The following RNF214 variants were observed in gnomAD, a reference collection of about 807,000 sequenced individuals.
RNF214 encodes ring finger protein 214.
Under a neutral mutation model 75.9 loss-of-function variants are expected in RNF214, and 25 were observed. The ratio of observed to expected loss-of-function variants is 0.33; its 90% confidence interval spans 0.24 to 0.46. RNF214 has a LOEUF of 0.46. Among genes scored for constraint, RNF214 ranks in the 20% least tolerant of loss-of-function variants. The pLI is 1.00. For synonymous variants in RNF214, 314 were observed against 308.8 expected (o/e 1.02, Z -0.18); for missense variants, 725 against 857.5 (o/e 0.85, Z 1.93).
intron 6 of RNF214, among the ~76,000 whole-genome samples, chr11:117,276,104 G>C (rs552209998): frequency 6.6e-6 from 1 of 152,070 alleles, no homozygotes; most frequent in Non-Finnish European, 1.5e-5. Context: ...CAATAAATGT[G>C]ATTCACCACA....
In RNF214 at chr11:117,243,173, G is replaced by T. The variant is rs577231438; in HGVS notation, c.679-1272G>T. On this transcript the variant is annotated intron_variant, in intron 4 of 14. Transcript: ENST00000300650. ...ATTTATTTATTTATTTTGAGACGGA[G>T]TCTCGCTCTGTCACCCAGTCTGGAC... Among the ~76,000 whole-genome samples, 199 of 152,026 alleles carry T rather than the reference G, an allele frequency of 1.3e-3. 1 individual carries two copies. The highest frequency in any genetic ancestry group is 4.6e-3 in the African/African-American group (192 of 41,426).
In RNF214 at chr11:117,255,618, G is replaced by T. The variant is rs537489895; in HGVS notation, c.959+8670G>T. ...TCCTCCCACCTCAGCCTCCCAAAGT[G>T]CTGGGATTATAGGAATGAGCCACTA... is the stretch of plus-strand genomic sequence containing the variant. On this transcript the variant is annotated intron_variant, in intron 6 of 14. Transcript: ENST00000300650. 2.0e-5 allele frequency among the ~76,000 whole-genome samples: 3 copies of T among 152,074 alleles called. No individual in the cohort carries two copies. The East Asian group carries it at 5.8e-4, about 29-fold the overall frequency.
At position 117,282,554 on chromosome 11, in the gene RNF214, G is replaced by C; in HGVS notation, c.1845+18G>C. ...GTACTCAGGTGAGAAAAGCCACTTGGGAGAGAACTTAGGCATGTTGAGGGC... is the reference window on the plus strand; with the variant it reads ...GTACTCAGGTGAGAAAAGCCACTTGCGAGAGAACTTAGGCATGTTGAGGGC... On this transcript the variant is annotated intron_variant, in intron 12 of 14. Coordinates refer to ENST00000300650, the MANE Select transcript of RNF214 (RefSeq NM_207343.4). 6.2e-7 allele frequency: 1 copy of C among 1,612,948 alleles called. No homozygotes were observed. Among genetic ancestry groups the C allele is most frequent in the South Asian group, 1.1e-5 (1 of 90,884 alleles).
At chr11:117,248,895 C>T (rs763967643) in intron 6 of RNF214, among the ~76,000 whole-genome samples, 5 of 151,914 alleles carry the variant, frequency 3.3e-5, no homozygotes, top group Non-Finnish European at 7.4e-5. Flanking sequence ...TTCTAAGCCC[C>T]GCAGAAAATT....
chr11:117,253,722 G>A (rs186990042), intron 6 of RNF214, among the ~76,000 whole-genome samples: 18 of 152,168 alleles, frequency 1.2e-4, no homozygotes, highest in East Asian at 1.9e-4. Context: ...ACAAGACAAC[G>A]GTGACTCATT....
Position 117,244,557 on chromosome 11 carries a change from G to A in RNF214, c.791G>A (p.Arg264Lys). Residue 264 changes from arginine to lysine, a missense_variant, in exon 5 of 15, where the codon AGG becomes AAG. Transcript: ENST00000300650. ...GTGCAATTAAAGCAGCTTCAGCAAA[G>A]GAGAGAAGAGGAAATGAAGAATCAC... is the stretch of plus-strand genomic sequence containing the variant. ...LQVQLKQLQQ[R>K]REEEMKNHQE... 3 of 1,610,340 alleles carry A rather than the reference G, an allele frequency of 1.9e-6. No homozygotes were observed. Among genetic ancestry groups the A allele is most frequent in the East Asian group, 2.2e-5 (1 of 44,752 alleles).
In RNF214 at chr11:117,281,894, A is replaced by G; in HGVS notation, c.1336A>G (p.Thr446Ala). Residue 446 changes from threonine to alanine, a missense_variant and splice_region_variant, in exon 11 of 15, where the codon ACA becomes GCA. This residue lies in a region of RNF214 where 363 missense variants were observed against 513.0 expected (regional missense o/e 0.71). Coordinates refer to ENST00000300650, the MANE Select transcript of RNF214 (RefSeq NM_207343.4). ...GTCCTCTACCTCTTCTCCTCTGCAG[A>G]CAGACTTCATGCTTCAGGTGTTTCA... Reference protein sequence around the residue: ...TPTLPPPPSETDFMLQVFQPS... With the variant: ...TPTLPPPPSEADFMLQVFQPS... The G allele has an allele frequency of 6.2e-7, 1 of 1,612,466 alleles. No homozygotes were observed. Among genetic ancestry groups the G allele is most frequent in the Non-Finnish European group, 8.5e-7 (1 of 1,178,866 alleles).
chr11:117,281,306 C>T lies in RNF214; in HGVS notation c.1146-8C>T. 6.2e-7 allele frequency: 1 copy of T among 1,605,866 alleles called. No individual in the cohort carries two copies. Among genetic ancestry groups the T allele is most frequent in the Non-Finnish European group, 8.5e-7 (1 of 1,172,854 alleles). On this transcript the variant is annotated splice_region_variant and splice_polypyrimidine_tract_variant and intron_variant, in intron 8 of 14. Coordinates refer to ENST00000300650, the MANE Select transcript of RNF214 (RefSeq NM_207343.4). ...TAAATCTGTAAATTCCTGTTGGTTT[C>T]TTGAAAGGTCAACTCCCCCAACACT... is the stretch of plus-strand genomic sequence containing the variant.
At chr11:117,271,473 T>C (rs1002521686) in intron 6 of RNF214, among the ~76,000 whole-genome samples, 1 of 152,256 alleles carries the variant, frequency 6.6e-6, no homozygotes, top group Non-Finnish European at 1.5e-5. Context: ...ATCATAGTCC[T>C]GTGCTGCCTA....
chr11:117,256,375 G>A (rs559523428), intron 6 of RNF214, among the ~76,000 whole-genome samples: 5 of 152,094 alleles, frequency 3.3e-5, no homozygotes, highest in Non-Finnish European at 5.9e-5. Context: ...CAATTCTTTG[G>A]GTGGATTGCT....
At chr11:117,265,837 C>G (rs2033784796) in intron 6 of RNF214, among the ~76,000 whole-genome samples, 1 of 152,220 alleles carries the variant, frequency 6.6e-6, no homozygotes, top group African/African-American at 2.4e-5. Flanking sequence ...AACGCCAACA[C>G]AATCAAGGTA....
At position 117,286,397 on chromosome 11, in the gene RNF214, T is replaced by A. The variant is rs1276640495; in HGVS notation, c.*1246T>A. ...TCTTTTCCTATCCTTTTATCTTTAC[T>A]CCTACAGGGAATGGCCTCAGCTCCC... is the stretch of plus-strand genomic sequence containing the variant. On this transcript the variant is annotated 3_prime_UTR_variant, in exon 15 of 15. Coordinates refer to ENST00000300650, the MANE Select transcript of RNF214 (RefSeq NM_207343.4). 6.6e-6 allele frequency: 1 copy of A among 152,194 alleles called. No individual in the cohort carries two copies. The highest frequency in any genetic ancestry group is 1.5e-5 in the Non-Finnish European group (1 of 68,040). 9.4% of individuals were successfully genotyped at this position (152,194 alleles called of 1,614,324 possible). A position where few individuals can be genotyped will look rare whatever the true frequency, so the allele number is the denominator to read the frequency against.
intron 6 of RNF214, among the ~76,000 whole-genome samples, chr11:117,259,010 G>T (rs184352318): frequency 3.3e-5 from 5 of 152,114 alleles, no homozygotes. Flanking sequence ...AAGCTGGAGT[G>T]CAGTGACATG....
rs114318804 is a variant in RNF214, at chr11:117,283,952, T to A, written c.2046+742T>A. 3.8e-3 allele frequency among the ~76,000 whole-genome samples: 580 copies of A among 152,302 alleles called. 7 individuals carry two copies. Among genetic ancestry groups the A allele is most frequent in the African/African-American group, 0.013 (554 of 41,556 alleles). ...GATTACATGCGTGAGCCAGTGCACC[T>A]GGTCTCTAATGTCTAATCATAAGGT... is the stretch of plus-strand genomic sequence containing the variant. On this transcript the variant is annotated intron_variant, in intron 14 of 14. Coordinates refer to ENST00000300650, the MANE Select transcript of RNF214 (RefSeq NM_207343.4).
chr11:117,266,726 T>C (rs1157541520), intron 6 of RNF214, among the ~76,000 whole-genome samples: 1 of 152,120 alleles, frequency 6.6e-6, no homozygotes, highest in Non-Finnish European at 1.5e-5. Flanking sequence ...TTTTTCCTCC[T>C]GGGACTCCAC....
At chr11:117,238,554 G>C (rs678837) in intron 2 of RNF214, 47 bp from the exon 3 acceptor site, 8 of 1,506,268 alleles carry the variant, frequency 5.3e-6, no homozygotes, top group African/African-American at 1.4e-5. Context: ...CTAGTAGTTA[G>C]GTTGAAAGTA....
At chr11:117,248,138 C>T (rs994800577) in intron 6 of RNF214, among the ~76,000 whole-genome samples, 5 of 152,070 alleles carry the variant, frequency 3.3e-5, no homozygotes, top group Non-Finnish European at 5.9e-5. Flanking sequence ...TGCAGTGGCA[C>T]GATCTCAGCT....
intron 6 of RNF214, among the ~76,000 whole-genome samples, chr11:117,251,216 C>T (rs1235445553): frequency 2.8e-5 from 3 of 105,756 alleles, no homozygotes; most frequent in Admixed American, 9.6e-5. Context: ...CCGCACCTCC[C>T]GGACGGGGCG....
intron 6 of RNF214, among the ~76,000 whole-genome samples, chr11:117,257,440 AAAAT>A (rs1228075866): frequency 2.0e-5 from 3 of 152,232 alleles, no homozygotes; most frequent in Non-Finnish European, 2.9e-5. Context: ...GAAAAAGTAA[AAAAT>A]AACATCACCG....
Sources: allele counts gnomAD v4.1 joint callset (sites outside exome capture counted in the v4.1 genomes callset), GRCh38; gene constraint gnomAD v4.1.1; regional missense constraint gnomAD v4.1.1; transcripts MANE v1.5; gene names NCBI Gene and HGNC (gene_info 2026-07-23, HGNC 2026-07-21).